The following SLC22A24 variants were observed in gnomAD, a reference collection of about 807,000 sequenced individuals.
SLC22A24 encodes the protein solute carrier family 22 member 24.
In SLC22A24, 53 loss-of-function variants were observed where a neutral mutation model predicts 49.8. The ratio of observed to expected loss-of-function variants is 1.06; its 90% CI spans 0.85 to 1.34. The LOEUF (loss-of-function observed/expected upper bound fraction) is 1.34, where lower values mean the gene tolerates loss of function less well. SLC22A24 is among the 40% of genes most tolerant of loss of function. SLC22A24 has a pLI of 0.00. For missense variants in SLC22A24, 786 were observed against 675.9 expected, an observed-to-expected ratio of 1.16 and a Z score of -1.81; for synonymous variants, 302 against 256.4, an observed-to-expected ratio of 1.18 and a Z score of -1.70.
intron 6 of SLC22A24, among the ~76,000 whole-genome samples, chr11:63,084,037 A>G (rs2086974092): frequency 6.6e-6 from 1 of 152,174 alleles, no homozygotes; most frequent in South Asian, 2.1e-4. Context: ...ATTTACATAG[A>G]GAAAAGGTCA....
rs374039638 is a variant in SLC22A24, at chr11:63,087,453, A to G, written c.1071-3996T>C. Among the ~76,000 whole-genome samples the G allele has an allele frequency of 6.5e-4, 99 of 152,310 alleles. 3 individuals carry two copies. The South Asian group carries it at 1.0e-2, about 15-fold the overall frequency. ...GATCAGGAGATTCCCTCGTGTGCCT[A>G]TACCACCAGGGCCCTGGGCTTCAAG... On this transcript the variant is annotated intron_variant, in intron 6 of 9. Transcript: ENST00000612278.
chr11:63,096,200 A>C, intron 5 of SLC22A24, 94 bp from the exon 6 acceptor site: 3 of 776,110 alleles, frequency 3.9e-6, no homozygotes, highest in Non-Finnish European at 6.4e-6. Context: ...GACATATTGT[A>C]AACTATCCTC....
intron 7 of SLC22A24, among the ~76,000 whole-genome samples, chr11:63,082,987 C>T (rs2086967840): frequency 2.0e-5 from 3 of 152,202 alleles, no homozygotes; most frequent in Non-Finnish European, 2.9e-5. Context: ...AATTGGAGCC[C>T]ATGTCCAGAT....
intron 2 of SLC22A24, among the ~76,000 whole-genome samples, chr11:63,124,131 G>A (rs146790064): frequency 3.2e-4 from 49 of 152,272 alleles, no homozygotes; most frequent in Non-Finnish European, 6.3e-4. Flanking sequence ...AATGCTACAT[G>A]ATGGGAACCA....
At chr11:63,115,311 C>T (rs965260836) in intron 4 of SLC22A24, among the ~76,000 whole-genome samples, 5 of 152,196 alleles carry the variant, frequency 3.3e-5, no homozygotes, top group African/African-American at 7.2e-5. Flanking sequence ...CCTTGCAGGT[C>T]GATCTCAGAC....
rs2086965455 is a variant in SLC22A24, at chr11:63,082,425, A to C, written c.1286-759T>G. 2.0e-5 allele frequency among the ~76,000 whole-genome samples: 3 copies of C among 152,230 alleles called. No individual in the cohort carries two copies. The South Asian group carries it at 6.2e-4, about 32-fold the overall frequency. On this transcript the variant is annotated intron_variant, in intron 7 of 9. Transcript: ENST00000612278. ...CTCTCCTATAAGGCAGAAAACTTAC[A>C]CCAGCAGGAGGCATGGAGCCCACCA...
At position 63,119,222 on chromosome 11, in the gene SLC22A24, C is replaced by A. The variant is rs550709193; in HGVS notation, c.620G>T (p.Gly207Val). The A allele has an allele frequency of 1.9e-5, 30 of 1,549,902 alleles. No individual in the cohort carries two copies. The highest frequency in any genetic ancestry group is 2.5e-5 in the Non-Finnish European group (29 of 1,146,450). Residue 207 changes from glycine to valine, a missense_variant, in exon 3 of 10, where the codon GGG (glycine) becomes GTG (valine). By Grantham distance (109) the Gly-to-Val change is moderately radical. Coordinates refer to ENST00000612278, the MANE Select transcript of SLC22A24 (RefSeq NM_001136506.2). ...TCCCAAAATAGTCATGGTGGAGAACCCTGCCAAGAAGCGCAGTATGCAGTA... is the reference window on the plus strand; with the variant it reads ...TCCCAAAATAGTCATGGTGGAGAACACTGCCAAGAAGCGCAGTATGCAGTA... Reference protein sequence around the residue: ...LVYCILRFLAGFSTMTILGNT... With the variant: ...LVYCILRFLAVFSTMTILGNT...
chr11:63,115,859 C>A, intron 4 of SLC22A24: 1 of 234,884 alleles, frequency 4.3e-6, no homozygotes. Flanking sequence ...CTGTCCTCAC[C>A]TTGGTAGACA....
At chr11:63,112,814 C>A (rs772024038) in intron 4 of SLC22A24, among the ~76,000 whole-genome samples, 1 of 150,596 alleles carries the variant, frequency 6.6e-6, no homozygotes, top group Non-Finnish European at 1.5e-5. Context: ...GAGATTGAGA[C>A]CATCGTGGCT....
intron 1 of SLC22A24, among the ~76,000 whole-genome samples, chr11:63,137,316 T>A (rs150158000): frequency 6.6e-6 from 1 of 152,200 alleles, no homozygotes; most frequent in South Asian, 2.1e-4. Flanking sequence ...AGGCCTGCTG[T>A]CCATCTCATC....
At chr11:63,130,187 T>C (rs1307998888) in intron 2 of SLC22A24, among the ~76,000 whole-genome samples, 1 of 151,870 alleles carries the variant, frequency 6.6e-6, no homozygotes, top group African/African-American at 2.4e-5. Flanking sequence ...TAGCATGAAG[T>C]GCTGTTGAAT....
chr11:63,119,249 A>G lies in SLC22A24; in HGVS notation c.593T>C (p.Val198Ala). ...TGCCAAGAAGCGCAGTATGCAGTAA[A>G]CAAGGAAGGTGGGAGCGAAGGCCGC... ...TCAAFAPTFL[V>A]YCILRFLAGF... Residue 198 changes from valine (V) to alanine (A), a missense_variant, in exon 3 of 10, where the codon GTT becomes GCT. Val to Ala is a moderately conservative substitution (Grantham distance 64). Transcript: ENST00000612278. The G allele has an allele frequency of 6.4e-7, 1 of 1,551,578 alleles. No homozygotes were observed. The highest frequency in any genetic ancestry group is 8.7e-7 in the Non-Finnish European group (1 of 1,146,890).
intron 6 of SLC22A24, among the ~76,000 whole-genome samples, chr11:63,084,938 A>ATT (rs35160977): frequency 1.2e-4 from 17 of 146,612 alleles, no homozygotes; most frequent in African/African-American, 3.3e-4. Flanking sequence ...AGAGGATGGG[A>ATT]TTTTTTTTTT....
At chr11:63,124,567 C>T (rs909941420) in intron 2 of SLC22A24, among the ~76,000 whole-genome samples, 2 of 152,158 alleles carry the variant, frequency 1.3e-5, no homozygotes, top group Non-Finnish European at 1.5e-5. Flanking sequence ...TATCCCTTCA[C>T]TATTTTAGAT....
Position 63,134,758 on chromosome 11 carries a change from A to G in SLC22A24, c.413T>C (p.Val138Ala), listed in dbSNP as rs1352589435. ...LSTIVTEWDL[V>A]CESQSLKSMV... is the part of the protein sequence containing the mutation. ...TGATTTTAGTGACTGAGATTCACAT[A>G]CCAGGTCCCACTGGAAGAGAAAGAA... Residue 138 changes from valine (V) to alanine (A), a missense_variant, in exon 2 of 10, where the codon GTA (valine) becomes GCA (alanine). Transcript: ENST00000612278. 6.4e-7 allele frequency: 1 copy of G among 1,572,326 alleles called. No homozygotes were observed. Among genetic ancestry groups the G allele is most frequent in the Non-Finnish European group, 8.6e-7 (1 of 1,156,676 alleles).
intron 7 of SLC22A24, among the ~76,000 whole-genome samples, chr11:63,082,329 A>G (rs1590726054): frequency 6.6e-6 from 1 of 152,324 alleles, no homozygotes; most frequent in African/African-American, 2.4e-5. Context: ...AACCATTGAC[A>G]CTGAAAATTC....
intron 2 of SLC22A24, among the ~76,000 whole-genome samples, chr11:63,122,943 A>T (rs1232128601): frequency 2.0e-5 from 3 of 152,108 alleles, no homozygotes; most frequent in African/African-American, 7.2e-5. Flanking sequence ...TTCTCAAAAC[A>T]CCTATCATTT....
chr11:63,129,960 C>A (rs923669720), intron 2 of SLC22A24, among the ~76,000 whole-genome samples: 1 of 152,102 alleles, frequency 6.6e-6, no homozygotes, highest in African/African-American at 2.4e-5. Context: ...AACTGAACAC[C>A]CTTTATTTCT....
chr11:63,130,650 G>A (rs903147370), intron 2 of SLC22A24, among the ~76,000 whole-genome samples: 7 of 152,156 alleles, frequency 4.6e-5, no homozygotes, highest in Non-Finnish European at 7.3e-5. Context: ...CTCAATTTCA[G>A]AGCCCATTAT....
Sources: gnomAD v4.1 joint callset for allele counts (sites outside exome capture counted in the v4.1 genomes callset) on GRCh38, gnomAD v4.1.1 for gene constraint, MANE v1.5 for transcripts, NCBI Gene and HGNC (gene_info 2026-07-23, HGNC 2026-07-21) for gene names.